SLC18B1: variants seen among roughly 807,000 people sequenced by gnomAD.
SLC18B1 encodes MFS-type transporter SLC18B1.
A neutral mutation model predicts 53.9 loss-of-function variants in SLC18B1; 62 were observed. That is an observed-to-expected ratio of 1.15 (90% CI 0.94 to 1.42). SLC18B1 has a LOEUF of 1.42. Among genes scored for constraint, SLC18B1 ranks in the 40% most tolerant of loss-of-function variants. The probability of loss-of-function intolerance (pLI) is 0.00; values close to 1 mark genes in which losing one functional copy is unlikely to be tolerated. For missense variants in SLC18B1, 598 were observed against 547.3 expected (o/e 1.09, Z -0.93); for synonymous variants, 217 against 200.9 (o/e 1.08, Z -0.68).
chr6:132,798,428 G>C lies in SLC18B1; in HGVS notation c.29C>G (p.Pro10Arg). MEALGDLEG[P>R]RAPGGDDPAG... ...TTCATGGTCACCTCCTGGTGCGCGT[G>C]GTCCCTCCAGGTCACCCAGCGCCTC... Residue 10 changes from proline to arginine, a missense_variant, in exon 1 of 14, where the codon CCA becomes CGA. Pro to Arg is a moderately radical substitution (Grantham distance 103). Coordinates refer to ENST00000275227, the MANE Select transcript of SLC18B1 (RefSeq NM_052831.3). 6.5e-7 allele frequency: 1 copy of C among 1,529,694 alleles called. No individual in the cohort carries two copies. Among genetic ancestry groups the C allele is most frequent in the Non-Finnish European group, 8.8e-7 (1 of 1,135,894 alleles). 94.8% of individuals were successfully genotyped at this position (1,529,694 alleles called of 1,614,324 possible).
chr6:132,779,546 C>T, intron 6 of SLC18B1, 142 bp from the exon 7 acceptor site: 1 of 817,096 alleles, frequency 1.2e-6, no homozygotes, highest in Non-Finnish European at 1.9e-6. Context: ...AATTGTATAC[C>T]ATCTATACTT....
chr6:132,771,828 A>T (rs1780982126), intron 11 of SLC18B1, among the ~76,000 whole-genome samples: 1 of 152,234 alleles, frequency 6.6e-6, no homozygotes, highest in African/African-American at 2.4e-5. Flanking sequence ...ACAGTGGCTC[A>T]TGCCTGTAAT....
rs956033322 is a variant in SLC18B1, at chr6:132,772,136, T to C, written c.1156A>G (p.Ile386Val). The change falls in exon 11 of 14, where the codon ATT (isoleucine) becomes GTT (valine). Residue 386 changes from isoleucine to valine, a missense_variant. Ile to Val is a conservative substitution (Grantham distance 29, BLOSUM62 3). Coordinates refer to ENST00000275227, the MANE Select transcript of SLC18B1 (RefSeq NM_052831.3). ...VSGLFSAMWS[I>V]GAFMGPTLGG... ...AGAAATTAAATGACTACTCACCCAA[T>C]TGACCACATTGCACTAAAAAGACCT... The C allele has an allele frequency of 1.0e-5, 16 of 1,564,168 alleles. No individual in the cohort carries two copies. The highest frequency in any genetic ancestry group is 4.2e-5 in the African/African-American group (3 of 71,150).
chr6:132,772,856 C>A, intron 10 of SLC18B1, 137 bp downstream of exon 10: 1 of 609,686 alleles, frequency 1.6e-6, no homozygotes, highest in East Asian at 2.8e-5. Context: ...ATCATAATAT[C>A]ATATGCTACA....
At chr6:132,787,099 G>T (rs1015901454) in intron 5 of SLC18B1, among the ~76,000 whole-genome samples, 2 of 152,120 alleles carry the variant, frequency 1.3e-5, no homozygotes, top group Non-Finnish European at 2.9e-5. Context: ...AATGCTTCAG[G>T]CAGCTCAGCC....
At chr6:132,796,775 C>T (rs1011695102) in intron 2 of SLC18B1, among the ~76,000 whole-genome samples, 1 of 152,046 alleles carries the variant, frequency 6.6e-6, no homozygotes, top group Non-Finnish European at 1.5e-5. Context: ...TGAATTACCT[C>T]CCAAGAAGAT....
intron 2 of SLC18B1, among the ~76,000 whole-genome samples, chr6:132,791,587 A>T (rs1483516835): frequency 6.6e-6 from 1 of 152,152 alleles, no homozygotes; most frequent in African/African-American, 2.4e-5. Context: ...GCTAAATTTT[A>T]GGAAGGATCT....
intron 4 of SLC18B1, among the ~76,000 whole-genome samples, chr6:132,788,842 A>C (rs1402335800): frequency 6.6e-6 from 1 of 150,882 alleles, no homozygotes; most frequent in African/African-American, 2.4e-5. Context: ...AAAAAAAAAA[A>C]AAACATGTAG....
intron 5 of SLC18B1, among the ~76,000 whole-genome samples, chr6:132,786,520 G>T (rs908960976): frequency 2.2e-5 from 3 of 135,986 alleles, no homozygotes; most frequent in African/African-American, 8.4e-5. Context: ...CTGCACTCCA[G>T]CCTGGGCTAC....
rs373232572 is a variant in SLC18B1, at chr6:132,784,097, T to C, written c.502-8A>G. 1.3e-6 allele frequency: 2 copies of C among 1,543,918 alleles called. No individual in the cohort carries two copies. Among genetic ancestry groups the C allele is most frequent in the Admixed American group, 2.3e-5 (1 of 43,692 alleles). On this transcript the variant is annotated splice_polypyrimidine_tract_variant and splice_region_variant and intron_variant, in intron 5 of 13. Transcript: ENST00000275227. The stretch of plus-strand genomic sequence containing the variant: ...AAAAGTCTCAAGACTTCCCTTAAAA[T>C]GAGAAAAAGAAAAAATCAGTTTAAA...
At position 132,790,199 on chromosome 6, in the gene SLC18B1, G is replaced by A; in HGVS notation, c.257C>T (p.Ala86Val). The change falls in exon 3 of 14, where the codon GCA (alanine) becomes GTA (valine). Residue 86 changes from alanine to valine, a missense_variant. Ala to Val is a moderately conservative substitution (Grantham distance 64). Coordinates refer to ENST00000275227, the MANE Select transcript of SLC18B1 (RefSeq NM_052831.3). Reference sequence around the variant, plus strand: ...TACATAGTTTCCAAATACCAAGGATGCCAGCAACTCGAACAAAGCAAAACA... The same window carrying A: ...TACATAGTTTCCAAATACCAAGGATACCAGCAACTCGAACAAAGCAAAACA... ...FGCFALFELLASLVFGNYLVH... is the reference protein window; with the variant it reads ...FGCFALFELLVSLVFGNYLVH... 1 of 1,572,266 alleles carries A rather than the reference G, an allele frequency of 6.4e-7. No individual in the cohort carries two copies. Among genetic ancestry groups the A allele is most frequent in the Non-Finnish European group, 8.6e-7 (1 of 1,157,022 alleles).
At chr6:132,793,404 CTG>C in intron 2 of SLC18B1, among the ~76,000 whole-genome samples, 1 of 152,234 alleles carries the variant, frequency 6.6e-6, no homozygotes, top group Admixed American at 6.5e-5. Context: ...GTTCTCTCTC[CTG>C]CCTCTATCTC....
chr6:132,795,892 G>A (rs1781662349), intron 2 of SLC18B1, among the ~76,000 whole-genome samples: 1 of 152,152 alleles, frequency 6.6e-6, no homozygotes, highest in Non-Finnish European at 1.5e-5. Flanking sequence ...GAGTCCATAA[G>A]AAATTAAAGT....
intron 5 of SLC18B1, among the ~76,000 whole-genome samples, chr6:132,786,594 T>A (rs1411574076): frequency 6.6e-6 from 1 of 151,426 alleles, no homozygotes; most frequent in Non-Finnish European, 1.5e-5. Flanking sequence ...GGAAGGACTA[T>A]TTACACCACA....
chr6:132,792,284 G>GA (rs1461079612), intron 2 of SLC18B1, among the ~76,000 whole-genome samples: 1,334 of 37,726 alleles, frequency 0.035, 204 homozygotes, highest in East Asian at 0.055. Flanking sequence ...AGAAAGAAAG[G>GA]AAGAAAGGAA....
intron 6 of SLC18B1, among the ~76,000 whole-genome samples, chr6:132,782,142 C>T (rs1781253298): frequency 6.7e-6 from 1 of 149,514 alleles, no homozygotes; most frequent in Non-Finnish European, 1.5e-5. Context: ...GAGCCAAGAT[C>T]ACACCACTGC....
chr6:132,789,598 C>T (rs1781471001), intron 4 of SLC18B1, 166 bp downstream of exon 4: 1 of 553,666 alleles, frequency 1.8e-6, no homozygotes. Context: ...AAATCAATGC[C>T]ATTTATCCCT....
intron 2 of SLC18B1, 32 bp downstream of exon 2, chr6:132,796,950 A>T (rs1053771113): frequency 8.3e-6 from 13 of 1,565,106 alleles, no homozygotes; most frequent in Non-Finnish European, 1.1e-5. Context: ...AAACAAAAAA[A>T]CAGAGGTCCT....
rs756221721 is a variant in SLC18B1 at position 132,776,400 on chromosome 6, T to C, written c.825A>G (p.Leu275=). The change falls in exon 8 of 14, where the codon CTA becomes CTG. Residue 275 remains leucine (L), a synonymous_variant. Coordinates refer to ENST00000275227, the MANE Select transcript of SLC18B1 (RefSeq NM_052831.3). ...AGGACAGTGCCATACCCAGGAATAC[T>C]AGTCCCACATATCCAGCTGGTAAAT... ...KFNLPAGYVG[L]VFLGMALSYA... The C allele has an allele frequency of 3.7e-6, 6 of 1,613,496 alleles. No homozygotes were observed. Among genetic ancestry groups the C allele is most frequent in the Non-Finnish European group, 5.1e-6 (6 of 1,179,736 alleles).
Sources: allele counts gnomAD v4.1 joint callset (sites outside exome capture counted in the v4.1 genomes callset), GRCh38; gene constraint gnomAD v4.1.1; transcripts MANE v1.5; gene names NCBI Gene and HGNC (gene_info 2026-07-23, HGNC 2026-07-21).